PRKN: variants seen among roughly 807,000 people sequenced by gnomAD.
PRKN encodes E3 ubiquitin-protein ligase parkin.
In PRKN, 56 loss-of-function variants were observed where a neutral mutation model predicts 59.5. That is an observed-to-expected ratio of 0.94 (90% CI 0.76 to 1.18). PRKN has a LOEUF of 1.18. PRKN is among the 50% of genes most tolerant of loss of function. PRKN has a pLI of 0.00. For synonymous variants in PRKN, 250 were observed against 222.1 expected, an observed-to-expected ratio of 1.13 and a Z score of -1.12; for missense variants, 657 against 596.4, an observed-to-expected ratio of 1.10 and a Z score of -1.06.
chr6:161,573,544 C>T (rs1227054892), intron 7 of PRKN, among the ~76,000 whole-genome samples: 1 of 150,050 alleles, frequency 6.7e-6, no homozygotes, highest in African/African-American at 2.4e-5. Context: ...TACAGTGAAA[C>T]CCCGTCTCTA....
Position 161,390,165 on chromosome 6 carries a change from T to C in PRKN, c.1084-3288A>G, listed in dbSNP as rs1467203176. Among the ~76,000 whole-genome samples, 1 of 152,248 alleles carries C rather than the reference T, an allele frequency of 6.6e-6. No homozygotes were observed. The highest frequency in any genetic ancestry group is 1.5e-5 in the Non-Finnish European group (1 of 68,048). On this transcript the variant is annotated intron_variant, in intron 9 of 11. Coordinates refer to ENST00000366898, the MANE Select transcript of PRKN (RefSeq NM_004562.3). This position sits in a 1 kb window ranked among gnomAD's most constrained non-coding sequence, Gnocchi z 7.0. ...GTGCAATGTAGAAGGTCTGATTTGATCTTGAAAATGTTTGGGTTTTCAATT... is the reference window on the plus strand; with the variant it reads ...GTGCAATGTAGAAGGTCTGATTTGACCTTGAAAATGTTTGGGTTTTCAATT...
At chr6:162,365,730 C>T (rs1262499149) in intron 2 of PRKN, among the ~76,000 whole-genome samples, 1 of 152,094 alleles carries the variant, frequency 6.6e-6, no homozygotes, top group East Asian at 1.9e-4. Flanking sequence ...CTAATTTATC[C>T]TTAGTCAATA....
At chr6:161,905,716 T>C (rs9347561) in intron 6 of PRKN, among the ~76,000 whole-genome samples, 8,947 of 152,000 alleles carry the variant, frequency 0.059, 327 homozygotes, top group South Asian at 0.15. Flanking sequence ...ATCTCAGCAC[T>C]TGGAGAGGCC....
At chr6:162,144,676 T>A (rs965816347) in intron 4 of PRKN, among the ~76,000 whole-genome samples, 2 of 152,158 alleles carry the variant, frequency 1.3e-5, no homozygotes, top group Non-Finnish European at 2.9e-5. Context: ...CATAGTTGAT[T>A]TCAGGAACTT....
At chr6:162,334,773 T>G (rs562353759) in intron 2 of PRKN, among the ~76,000 whole-genome samples, 1 of 152,300 alleles carries the variant, frequency 6.6e-6, no homozygotes, top group Non-Finnish European at 1.5e-5. Context: ...CTGGAAAGGA[T>G]TCCTCATCCT....
intron 6 of PRKN, among the ~76,000 whole-genome samples, chr6:161,841,454 A>G (rs1254852278): frequency 6.6e-6 from 1 of 151,454 alleles, no homozygotes; most frequent in East Asian, 2.0e-4. Context: ...GGTTCAAGCT[A>G]TTCTTGTGCC....
chr6:161,586,925 G>A (rs902566741), intron 7 of PRKN, among the ~76,000 whole-genome samples: 2 of 152,288 alleles, frequency 1.3e-5, no homozygotes, highest in Admixed American at 6.5e-5. Flanking sequence ...ACACTAGCAA[G>A]CTACATATAA....
chr6:162,565,725 C>CATAG (rs1322882672), intron 1 of PRKN, among the ~76,000 whole-genome samples: 1 of 151,580 alleles, frequency 6.6e-6, no homozygotes. Flanking sequence ...TACATACATA[C>CATAG]ATACATACAT....
chr6:162,719,733 G>A (rs1034073044), intron 1 of PRKN, among the ~76,000 whole-genome samples: 1 of 152,080 alleles, frequency 6.6e-6, no homozygotes, highest in Non-Finnish European at 1.5e-5. Context: ...CCACAGTCAA[G>A]CCCTGTGGCA....
intron 7 of PRKN, among the ~76,000 whole-genome samples, chr6:161,675,829 G>C (rs1376177687): frequency 6.6e-6 from 1 of 152,198 alleles, no homozygotes; most frequent in African/African-American, 2.4e-5. Flanking sequence ...CCTGCGGAAG[G>C]CTTTTTGTGA....
chr6:161,966,934 C>T (rs774621243), intron 6 of PRKN, among the ~76,000 whole-genome samples: 8 of 152,158 alleles, frequency 5.3e-5, no homozygotes, highest in Non-Finnish European at 8.8e-5. Context: ...TGGATTCAAG[C>T]GATTCTCCTG....
intron 1 of PRKN, among the ~76,000 whole-genome samples, chr6:162,476,749 C>G (rs1227962720): frequency 1.3e-5 from 2 of 152,126 alleles, no homozygotes; most frequent in Non-Finnish European, 2.9e-5. Context: ...AATTACGATT[C>G]TATCGTCATC....
intron 4 of PRKN, among the ~76,000 whole-genome samples, chr6:162,142,296 C>T (rs1055246692): frequency 2.0e-5 from 3 of 152,170 alleles, no homozygotes; most frequent in African/African-American, 7.2e-5. Flanking sequence ...CAGATGGCAG[C>T]CCAGTGGTGA....
chr6:162,197,897 G>A (rs911388222), intron 4 of PRKN, among the ~76,000 whole-genome samples: 1 of 152,124 alleles, frequency 6.6e-6, no homozygotes, highest in African/African-American at 2.4e-5. Context: ...CTATGGACAA[G>A]GCACTTTGTG....
intron 1 of PRKN, among the ~76,000 whole-genome samples, chr6:162,455,557 G>A (rs1198546108): frequency 6.6e-6 from 1 of 152,048 alleles, no homozygotes; most frequent in Non-Finnish European, 1.5e-5. Context: ...TAATCTTAAG[G>A]GACCACCATC....
At chr6:161,766,056 A>C (rs903979254) in intron 7 of PRKN, among the ~76,000 whole-genome samples, 34 of 152,346 alleles carry the variant, frequency 2.2e-4, no homozygotes, top group Admixed American at 9.1e-4. Context: ...CTCTATGTTA[A>C]TAACAGAGAT....
intron 2 of PRKN, among the ~76,000 whole-genome samples, chr6:162,304,489 TTCTATCTA>T (rs6149895): frequency 0.13 from 16,092 of 128,520 alleles, 1,317 homozygotes; most frequent in Non-Finnish European, 0.14. Flanking sequence ...ACTCATCCAG[TTCTATCTA>T]TCTATCTATC....
At chr6:162,274,092 C>T (rs183331153) in intron 2 of PRKN, among the ~76,000 whole-genome samples, 53 of 151,974 alleles carry the variant, frequency 3.5e-4, no homozygotes, top group African/African-American at 1.3e-3. Flanking sequence ...CTGTTTGAAT[C>T]GAGATCCAAA....
chr6:162,170,521 G>C (rs561828681), intron 4 of PRKN, among the ~76,000 whole-genome samples: 1 of 152,188 alleles, frequency 6.6e-6, no homozygotes, highest in East Asian at 1.9e-4. Context: ...ATTTAGAAAA[G>C]ATATTATTTT....
Sources: gnomAD v4.1 joint callset for allele counts (sites outside exome capture counted in the v4.1 genomes callset) on GRCh38, gnomAD v4.1.1 for gene constraint, Gnocchi (gnomAD v3.1) non-coding constraint, MANE v1.5 for transcripts, NCBI Gene and HGNC (gene_info 2026-07-23, HGNC 2026-07-21) for gene names.